The following NXPH1 variants were observed in gnomAD, a reference collection of about 807,000 sequenced individuals.
The protein encoded by NXPH1 is neurexophilin 1, also known as neurexophilin-1.
A neutral mutation model predicts 23.7 loss-of-function variants in NXPH1; 5 were observed. That is an observed-to-expected ratio of 0.21 (90% CI 0.11 to 0.44). The LOEUF (loss-of-function observed/expected upper bound fraction) is 0.44, where lower values mean the gene tolerates loss of function less well. Among genes scored for constraint, NXPH1 ranks in the 20% least tolerant of loss-of-function variants. The pLI, the probability that NXPH1 is intolerant of heterozygous loss-of-function variation, is 0.99. For synonymous variants in NXPH1, 144 were observed against 122.2 expected (o/e 1.18, Z -1.18); for missense variants, 324 against 321.6 (o/e 1.01, Z -0.06).
chr7:8,718,219 C>T (rs1190916063), intron 2 of NXPH1, among the ~76,000 whole-genome samples: 1 of 152,130 alleles, frequency 6.6e-6, no homozygotes, highest in Non-Finnish European at 1.5e-5. Flanking sequence ...GGCTTGAACT[C>T]AGCTTTTGAT....
chr7:8,575,478 G>A (rs1021021226), intron 2 of NXPH1, among the ~76,000 whole-genome samples: 6 of 152,206 alleles, frequency 3.9e-5, no homozygotes, highest in Admixed American at 3.3e-4. Flanking sequence ...TGAATAGAAA[G>A]CATAGAAATT....
chr7:8,641,525 C>T (rs1820311953), intron 2 of NXPH1, among the ~76,000 whole-genome samples: 1 of 152,132 alleles, frequency 6.6e-6, no homozygotes, highest in African/African-American at 2.4e-5. Context: ...CACTCCAATT[C>T]CCACCCCCAG....
At chr7:8,461,070 G>T (rs563125040) in intron 2 of NXPH1, among the ~76,000 whole-genome samples, 1 of 152,182 alleles carries the variant, frequency 6.6e-6, no homozygotes, top group African/African-American at 2.4e-5. Context: ...GGTAGCCATT[G>T]TCTCTTTGGA....
intron 2 of NXPH1, among the ~76,000 whole-genome samples, chr7:8,517,234 G>A (rs926805245): frequency 6.6e-6 from 1 of 152,064 alleles, no homozygotes; most frequent in African/African-American, 2.4e-5. Context: ...GGTGTTGCGG[G>A]GCCACAGAGA....
intron 2 of NXPH1, among the ~76,000 whole-genome samples, chr7:8,678,209 G>T (rs1820983406): frequency 6.6e-6 from 1 of 152,038 alleles, no homozygotes. Flanking sequence ...TAGCCCAAGG[G>T]TCTACAAAAC....
chr7:8,667,850 C>T (rs1300162104), intron 2 of NXPH1, among the ~76,000 whole-genome samples: 1 of 151,938 alleles, frequency 6.6e-6, no homozygotes, highest in East Asian at 1.9e-4. Flanking sequence ...TCCCATAAAT[C>T]CCATGTTTTA....
Position 8,435,437 on chromosome 7 carries a change from G to C in NXPH1, c.-110-167G>C, listed in dbSNP as rs1162690627. The stretch of plus-strand genomic sequence containing the variant: ...CCGCCTCCCCAGCTGCGGACCGCGC[G>C]CTTGCTGGTCTCAGGCGCTGGATTT... On this transcript the variant is annotated intron_variant, in intron 1 of 2. Coordinates refer to ENST00000405863, the MANE Select transcript of NXPH1 (RefSeq NM_152745.3). This position sits in a 1 kb window ranked among gnomAD's most constrained non-coding sequence, Gnocchi z 5.9. 5.8e-6 allele frequency: 3 copies of C among 519,202 alleles called. No homozygotes were observed. The highest frequency in any genetic ancestry group is 1.0e-5 in the Non-Finnish European group (3 of 289,598). 32.2% of individuals were successfully genotyped at this position (519,202 alleles called of 1,614,324 possible). A position where few individuals can be genotyped will look rare whatever the true frequency, so the allele number is the denominator to read the frequency against.
intron 2 of NXPH1, among the ~76,000 whole-genome samples, chr7:8,556,116 C>T (rs1217914373): frequency 6.6e-6 from 1 of 151,646 alleles, no homozygotes; most frequent in Non-Finnish European, 1.5e-5. Flanking sequence ...ACAGCAGGCA[C>T]TTAGCCCATG....
At chr7:8,660,352 T>C (rs1416492880) in intron 2 of NXPH1, among the ~76,000 whole-genome samples, 2 of 152,166 alleles carry the variant, frequency 1.3e-5, no homozygotes, top group Admixed American at 6.6e-5. Context: ...CTTAACTTAC[T>C]GAACCTTTAG....
At chr7:8,500,025 CAG>C (rs1293451674) in intron 2 of NXPH1, among the ~76,000 whole-genome samples, 1 of 152,032 alleles carries the variant, frequency 6.6e-6, no homozygotes, top group African/African-American at 2.4e-5. Context: ...ATTTTTATAA[CAG>C]AATGTGGATT....
intron 2 of NXPH1, among the ~76,000 whole-genome samples, chr7:8,705,758 T>C (rs2115192598): frequency 6.6e-6 from 1 of 152,294 alleles, no homozygotes; most frequent in African/African-American, 2.4e-5. Context: ...AGTGTGCTTT[T>C]ACCTAGCAAG....
intron 2 of NXPH1, among the ~76,000 whole-genome samples, chr7:8,478,015 C>T (rs1250128303): frequency 6.6e-6 from 1 of 152,052 alleles, no homozygotes; most frequent in African/African-American, 2.4e-5. Context: ...CCCATTGCTA[C>T]ACTTATAGTA....
Position 8,442,145 on chromosome 7 carries a change from C to T in NXPH1, c.54+6378C>T, listed in dbSNP as rs1413522357. Among the ~76,000 whole-genome samples the T allele has an allele frequency of 1.3e-5, 2 of 152,082 alleles. No homozygotes were observed. The highest frequency in any genetic ancestry group is 2.1e-4 in the South Asian group (1 of 4,816). ...CGAAAAGCTTTCCTAGCTCCTTCTT[C>T]CTATAAATTAATGAGGGTATTTTAC... On this transcript the variant is annotated intron_variant, in intron 2 of 2. Coordinates refer to ENST00000405863, the MANE Select transcript of NXPH1 (RefSeq NM_152745.3). This position sits in a 1 kb window ranked among gnomAD's most constrained non-coding sequence, Gnocchi z 4.6.
chr7:8,711,216 T>C (rs976255797), intron 2 of NXPH1, among the ~76,000 whole-genome samples: 1 of 152,186 alleles, frequency 6.6e-6, no homozygotes, highest in Admixed American at 6.5e-5. Flanking sequence ...ACGGACATAC[T>C]TATTTTTTGA....
chr7:8,616,426 T>C (rs1819739808), intron 2 of NXPH1, among the ~76,000 whole-genome samples: 1 of 152,070 alleles, frequency 6.6e-6, no homozygotes, highest in Non-Finnish European at 1.5e-5. Context: ...TAAATTTACT[T>C]GTTTATTTTT....
chr7:8,554,738 T>G (rs1818329884), intron 2 of NXPH1, among the ~76,000 whole-genome samples: 1 of 151,704 alleles, frequency 6.6e-6, no homozygotes, highest in African/African-American at 2.4e-5. Context: ...CCTTCTGTTC[T>G]TTAGGAAGGC....
At chr7:8,658,486 A>T (rs779240599) in intron 2 of NXPH1, among the ~76,000 whole-genome samples, 1 of 152,244 alleles carries the variant, frequency 6.6e-6, no homozygotes, top group Non-Finnish European at 1.5e-5. Flanking sequence ...CTCCAAGGAA[A>T]CTTGCTTCAT....
chr7:8,675,496 C>T (rs2115172727), intron 2 of NXPH1, among the ~76,000 whole-genome samples: 1 of 152,136 alleles, frequency 6.6e-6, no homozygotes, highest in Middle Eastern at 3.4e-3. Context: ...TGCGTTTATT[C>T]ATTCGACAAT....
At chr7:8,568,042 G>A (rs766283211) in intron 2 of NXPH1, among the ~76,000 whole-genome samples, 6 of 151,752 alleles carry the variant, frequency 4.0e-5, no homozygotes, top group African/African-American at 1.5e-4. Flanking sequence ...TTTTTTCAAC[G>A]TCCCATGCTA....
Sources: allele counts gnomAD v4.1 joint callset (sites outside exome capture counted in the v4.1 genomes callset), GRCh38; gene constraint gnomAD v4.1.1; non-coding constraint Gnocchi (gnomAD v3.1); transcripts MANE v1.5; gene names NCBI Gene and HGNC (gene_info 2026-07-23, HGNC 2026-07-21).